Variants in ANKRD44 observed in about 807,000 individuals in gnomAD.
The protein encoded by ANKRD44 is serine/threonine-protein phosphatase 6 regulatory ankyrin repeat subunit B.
In ANKRD44, 35 loss-of-function variants were observed where a neutral mutation model predicts 116.0. The observed-to-expected ratio is 0.30, with a 90% CI of 0.23 to 0.40. The LOEUF (loss-of-function observed/expected upper bound fraction) is 0.40. Among genes scored for constraint, ANKRD44 ranks in the 10% least tolerant of loss-of-function variants. ANKRD44 has a pLI of 1.00. For missense variants in ANKRD44, 1,014 were observed against 1,242.6 expected, an observed-to-expected ratio of 0.82 and a Z score of 2.77; for synonymous variants, 435 against 461.8, an observed-to-expected ratio of 0.94 and a Z score of 0.74.
At chr2:196,970,603 T>A (rs1054164059) in intron 21 of ANKRD44, among the ~76,000 whole-genome samples, 2 of 151,532 alleles carry the variant, frequency 1.3e-5, no homozygotes, top group African/African-American at 4.9e-5. Context: ...ACCCCCCCAA[T>A]CCTTATTTAT....
At chr2:197,110,129 A>G (rs1559070325) in intron 9 of ANKRD44, among the ~76,000 whole-genome samples, 1 of 152,068 alleles carries the variant, frequency 6.6e-6, no homozygotes, top group Non-Finnish European at 1.5e-5. Flanking sequence ...GGCACCTGCC[A>G]CCACTCCTGG....
chr2:197,048,340 G>A (rs1018493544), intron 16 of ANKRD44, among the ~76,000 whole-genome samples: 1 of 151,792 alleles, frequency 6.6e-6, no homozygotes, highest in Non-Finnish European at 1.5e-5. Flanking sequence ...CCCTCCCCCT[G>A]CCCCCCACTC....
At chr2:197,120,757 A>G (rs185235175) in intron 8 of ANKRD44, among the ~76,000 whole-genome samples, 2 of 152,258 alleles carry the variant, frequency 1.3e-5, no homozygotes, top group Admixed American at 1.3e-4. Flanking sequence ...TTGAATTCTT[A>G]GCAACACTGC....
chr2:197,245,397 G>A (rs4850420), intron 1 of ANKRD44, among the ~76,000 whole-genome samples: 66,219 of 152,008 alleles, frequency 0.44, 15,252 homozygotes, highest in East Asian at 0.65. Flanking sequence ...GTGCAAATAC[G>A]ACACCATTTT....
intron 1 of ANKRD44, among the ~76,000 whole-genome samples, chr2:197,213,275 A>C (rs1166867737): frequency 1.3e-5 from 2 of 152,226 alleles, no homozygotes; most frequent in African/African-American, 4.8e-5. Context: ...ATCTTGTTAC[A>C]CAAGCGGTCT....
chr2:197,097,314 C>A (rs2078183827), intron 10 of ANKRD44, among the ~76,000 whole-genome samples: 2 of 152,138 alleles, frequency 1.3e-5, no homozygotes, highest in Admixed American at 1.3e-4. Context: ...AAAAATACCA[C>A]TGAAAATATT....
At chr2:197,211,668 G>C (rs896864721) in intron 1 of ANKRD44, among the ~76,000 whole-genome samples, 1 of 151,924 alleles carries the variant, frequency 6.6e-6, no homozygotes, top group Non-Finnish European at 1.5e-5. Flanking sequence ...GTACCACCTC[G>C]AGGGGCACAA....
chr2:197,294,309 T>A (rs1055740563), intron 1 of ANKRD44, among the ~76,000 whole-genome samples: 2 of 152,174 alleles, frequency 1.3e-5, no homozygotes, highest in Admixed American at 6.5e-5. Context: ...ACACGTGTCA[T>A]CTTTCATATA....
chr2:197,196,587 G>T (rs189310450), intron 1 of ANKRD44, among the ~76,000 whole-genome samples: 1 of 152,284 alleles, frequency 6.6e-6, no homozygotes, highest in African/African-American at 2.4e-5. Flanking sequence ...ATGTAGAAAT[G>T]AAAGGTACTC....
At chr2:197,115,435 T>C (rs1457474005) in intron 8 of ANKRD44, among the ~76,000 whole-genome samples, 1 of 152,250 alleles carries the variant, frequency 6.6e-6, no homozygotes, top group African/African-American at 2.4e-5. Context: ...AAGTATATCT[T>C]TATTTTATCA....
rs71395680 is a variant in ANKRD44, at chr2:197,258,270, CTTTTTT to C, written c.27+52302_27+52307del. On this transcript the variant is annotated intron_variant, in intron 1 of 27. Transcript: ENST00000282272. ...CATGTGCCGCCACACTTGGCTAATC[CTTTTTT>C]TTTTTTTTTTTTTTTTTTTGTATTT... is the stretch of plus-strand genomic sequence containing the variant. Among the ~76,000 whole-genome samples, 22 of 79,224 alleles carry C rather than the reference CTTTTTT, an allele frequency of 2.8e-4. 1 individual carries two copies. The highest frequency in any genetic ancestry group is 1.3e-3 in the African/African-American group (21 of 16,248). The allele number at this position is 79,224 out of a possible 152,430, so 52.0% of individuals were successfully genotyped here.
intron 17 of ANKRD44, among the ~76,000 whole-genome samples, chr2:197,020,666 G>C (rs965360246): frequency 2.6e-5 from 4 of 152,046 alleles, no homozygotes; most frequent in African/African-American, 9.7e-5. Flanking sequence ...CTAGTTTGTA[G>C]CTCCTGAATT....
chr2:197,039,913 T>C (rs2124946015), intron 16 of ANKRD44, among the ~76,000 whole-genome samples: 1 of 152,228 alleles, frequency 6.6e-6, no homozygotes, highest in South Asian at 2.1e-4. Flanking sequence ...TAATTTCATG[T>C]CCTTTCAAAA....
intron 8 of ANKRD44, among the ~76,000 whole-genome samples, chr2:197,119,247 T>C (rs1574491327): frequency 6.6e-6 from 1 of 152,124 alleles, no homozygotes; most frequent in African/African-American, 2.4e-5. Context: ...ACCGGATTAC[T>C]GTTTTTAATG....
intron 5 of ANKRD44, 29 bp downstream of exon 5, chr2:197,125,808 T>C: frequency 6.2e-7 from 1 of 1,610,548 alleles, no homozygotes; most frequent in Non-Finnish European, 8.5e-7. Context: ...GGAGGGAGCG[T>C]TCCAATTCTG....
chr2:197,175,539 A>G (rs58980278), intron 2 of ANKRD44, among the ~76,000 whole-genome samples: 9,789 of 152,198 alleles, frequency 0.064, 1,053 homozygotes, highest in African/African-American at 0.22. Flanking sequence ...AAGAGCCACC[A>G]TTTAGTATGT....
At chr2:197,191,663 G>A (rs11889612) in intron 1 of ANKRD44, among the ~76,000 whole-genome samples, 9,782 of 152,170 alleles carry the variant, frequency 0.064, 1,052 homozygotes, top group African/African-American at 0.22. Flanking sequence ...TTTGTTACCT[G>A]GGAGGTAAAA....
At chr2:196,977,949 AAAAC>A (rs1281939030) in intron 21 of ANKRD44, among the ~76,000 whole-genome samples, 1 of 152,232 alleles carries the variant, frequency 6.6e-6, no homozygotes, top group Non-Finnish European at 1.5e-5. Context: ...TAAAAAAACA[AAAAC>A]AAAACCCAAA....
chr2:196,999,353 T>C (rs1034261026), intron 23 of ANKRD44, among the ~76,000 whole-genome samples: 2 of 152,206 alleles, frequency 1.3e-5, no homozygotes, highest in Non-Finnish European at 1.5e-5. Context: ...TTGAGATAGA[T>C]ACTTTAAAAA....
Sources: gnomAD v4.1 joint callset for allele counts (sites outside exome capture counted in the v4.1 genomes callset) on GRCh38, gnomAD v4.1.1 for gene constraint, MANE v1.5 for transcripts, NCBI Gene and HGNC (gene_info 2026-07-23, HGNC 2026-07-21) for gene names.